The following MARK4 variants were observed in gnomAD, a reference collection of about 807,000 sequenced individuals.
The protein encoded by MARK4 is microtubule affinity regulating kinase 4.
A neutral mutation model predicts 81.5 loss-of-function variants in MARK4; 19 were observed. The ratio of observed to expected loss-of-function variants is 0.23; its 90% confidence interval spans 0.16 to 0.34. MARK4 has a LOEUF of 0.34. Among genes scored for constraint, MARK4 ranks in the 10% least tolerant of loss-of-function variants. The probability of loss-of-function intolerance (pLI) is 1.00; values close to 1 mark genes in which losing one functional copy is unlikely to be tolerated. For missense variants in MARK4, 772 were observed against 1,058.8 expected, an observed-to-expected ratio of 0.73 and a Z score of 3.76; for synonymous variants, 436 against 439.0, an observed-to-expected ratio of 0.99 and a Z score of 0.08.
intron 7 of MARK4, among the ~76,000 whole-genome samples, chr19:45,269,609 G>A (rs1266113083): frequency 2.0e-5 from 3 of 152,090 alleles, no homozygotes; most frequent in South Asian, 2.1e-4. Context: ...GGCCAGACGC[G>A]GGTGACATTT....
At chr19:45,292,479 C>T (rs1454151043) in intron 13 of MARK4, among the ~76,000 whole-genome samples, 1 of 152,146 alleles carries the variant, frequency 6.6e-6, no homozygotes, top group African/African-American at 2.4e-5. Flanking sequence ...TGAAGTACTT[C>T]ACATACTGGC....
chr19:45,302,964 A>G lies in MARK4; in HGVS notation c.*254A>G. The G allele has an allele frequency of 8.7e-6, 5 of 573,010 alleles. No individual in the cohort carries two copies. In the South Asian group the frequency reaches 1.1e-4, roughly 12 times the overall value. The allele number at this position is 573,010 out of a possible 1,614,324, so 35.5% of individuals were successfully genotyped here. On this transcript the variant is annotated 3_prime_UTR_variant, in exon 17 of 17. Coordinates refer to ENST00000262891, the MANE Select transcript of MARK4 (RefSeq NM_001199867.2). This position sits in a 1 kb window ranked among gnomAD's most constrained non-coding sequence, Gnocchi z 4.9. ...AGTCCTGTCCTCCCTCGCCCTACCA[A>G]GAGGGCACCTGAGGAGACTTTGGGG...
chr19:45,293,259 T>G (rs1970841842), intron 13 of MARK4, among the ~76,000 whole-genome samples: 1 of 152,008 alleles, frequency 6.6e-6, no homozygotes, highest in Non-Finnish European at 1.5e-5. Flanking sequence ...TGAGTGAAAC[T>G]CTGTCCAAAA....
intron 10 of MARK4, among the ~76,000 whole-genome samples, chr19:45,279,849 A>G (rs1970648823): frequency 6.6e-6 from 1 of 152,172 alleles, no homozygotes; most frequent in Admixed American, 6.5e-5. Context: ...ACATGCCTTC[A>G]ATGAAGCAGT....
intron 15 of MARK4, among the ~76,000 whole-genome samples, chr19:45,299,346 C>A (rs1402209437): frequency 5.3e-5 from 8 of 152,116 alleles, no homozygotes; most frequent in African/African-American, 1.9e-4. Context: ...ATTGCTTGAG[C>A]CTGGGAGGTT....
Position 45,302,674 on chromosome 19 carries a change from C to T in MARK4, c.2223C>T (p.Thr741=), listed in dbSNP as rs561693617. 6.5e-7 allele frequency: 1 copy of T among 1,537,096 alleles called. No individual in the cohort carries two copies. The highest frequency in any genetic ancestry group is 2.4e-5 in the East Asian group (1 of 40,908). Residue 741 remains threonine, a synonymous_variant, in exon 17 of 17, where the codon ACC becomes ACT. Coordinates refer to ENST00000262891, the MANE Select transcript of MARK4 (RefSeq NM_001199867.2). This position sits in a 1 kb window ranked among gnomAD's most constrained non-coding sequence, Gnocchi z 4.9. ...RVAGTALAFR[T]LVTRISNDLE... ...CGGGCACCGCCCTGGCCTTCCGCAC[C>T]CTCGTCACCCGCATCTCCAACGACC...
chr19:45,261,572 A>G (rs973623588), intron 2 of MARK4, among the ~76,000 whole-genome samples: 4 of 152,222 alleles, frequency 2.6e-5, no homozygotes, highest in Non-Finnish European at 4.4e-5. Flanking sequence ...GGTTCCCTAT[A>G]TGTGGATCTG....
intron 12 of MARK4, among the ~76,000 whole-genome samples, chr19:45,284,353 C>A (rs1316311218): frequency 6.7e-6 from 1 of 149,382 alleles, no homozygotes; most frequent in African/African-American, 2.5e-5. Flanking sequence ...GGCAAAGTCT[C>A]GCTCCGTTGC....
At chr19:45,280,551 G>A (rs372140358) in intron 11 of MARK4, 24 bp from the exon 12 acceptor site, 6 of 1,613,798 alleles carry the variant, frequency 3.7e-6, no homozygotes, top group African/African-American at 1.3e-5. Flanking sequence ...GTGCAGAAGA[G>A]CCTCATCTGT....
At chr19:45,301,452 G>A (rs1970970769) in intron 16 of MARK4, among the ~76,000 whole-genome samples, 1 of 150,974 alleles carries the variant, frequency 6.6e-6, no homozygotes, top group Non-Finnish European at 1.5e-5. Flanking sequence ...AGCTACTTGG[G>A]AAGCTGAGGC....
At chr19:45,281,375 T>TTTTTTTA (rs1360044177) in intron 12 of MARK4, among the ~76,000 whole-genome samples, 4 of 149,596 alleles carry the variant, frequency 2.7e-5, no homozygotes, top group Non-Finnish European at 5.9e-5. Context: ...TTCTTTTTTT[T>TTTTTTTA]TTTGAGACAG....
chr19:45,258,293 C>A (rs1417049768), intron 1 of MARK4, among the ~76,000 whole-genome samples: 1 of 152,168 alleles, frequency 6.6e-6, no homozygotes, highest in African/African-American at 2.4e-5. Context: ...CCACCTGGCC[C>A]ATAATTTTTA....
At chr19:45,259,476 C>T (rs1302490546) in intron 2 of MARK4, among the ~76,000 whole-genome samples, 6 of 152,164 alleles carry the variant, frequency 3.9e-5, no homozygotes, top group Non-Finnish European at 7.3e-5. Context: ...TAAACCTGAG[C>T]TGTGGCCGGA....
At position 45,271,181 on chromosome 19, in the gene MARK4, T is replaced by G. The variant is rs1392055416; in HGVS notation, c.550-291T>G. ...TTGGCCTCCCAAAGTGCTGGTATTA[T>G]AGGCGTGAGCCACTATGTCTGGCCT... On this transcript the variant is annotated intron_variant, in intron 7 of 16. Transcript: ENST00000262891. The surrounding 1 kb of genome is among the most constrained non-coding windows in gnomAD (Gnocchi z 4.1). Among the ~76,000 whole-genome samples the G allele has an allele frequency of 6.6e-6, 1 of 152,192 alleles. No individual in the cohort carries two copies. The highest frequency in any genetic ancestry group is 2.4e-5 in the African/African-American group (1 of 41,456).
rs201594646 is a variant in MARK4, at chr19:45,278,600, G to A, written c.991G>A (p.Asp331Asn). Residue 331 changes from aspartate to asparagine, a missense_variant, in exon 10 of 17, where the codon GAC (aspartate) becomes AAC (asparagine). Coordinates refer to ENST00000262891, the MANE Select transcript of MARK4 (RefSeq NM_001199867.2). ...PYTEPEEDFG[D>N]TKRIEVMVGM... Reference sequence around the variant, plus strand: ...CACAGAGCCCGAGGAGGACTTCGGGGACACCAAGAGAATTGGTGAGGGTCA... The same window carrying A: ...CACAGAGCCCGAGGAGGACTTCGGGAACACCAAGAGAATTGGTGAGGGTCA... The A allele has an allele frequency of 1.7e-5, 27 of 1,613,254 alleles. No homozygotes were observed. The highest frequency in any genetic ancestry group is 1.4e-5 in the Non-Finnish European group (16 of 1,179,470).
chr19:45,264,865 G>A lies in MARK4; in HGVS notation c.447G>A (p.Ser149=), dbSNP rs772689017. Residue 149 remains serine (S), a synonymous_variant, in exon 6 of 17, where the codon TCG becomes TCA. Transcript: ENST00000262891. ...SAGEVFDYLV[S]HGRMKEKEAR... Reference sequence around the variant, plus strand: ...GAGAAGTGTTTGACTACCTCGTGTCGCATGGCCGCATGAAGGAGAAGGAAG... The same window carrying A: ...GAGAAGTGTTTGACTACCTCGTGTCACATGGCCGCATGAAGGAGAAGGAAG... The A allele has an allele frequency of 1.6e-5, 26 of 1,613,984 alleles. No individual in the cohort carries two copies. Among genetic ancestry groups the A allele is most frequent in the African/African-American group, 5.3e-5 (4 of 74,936 alleles).
rs1971028253 is a variant in MARK4 at position 45,304,798 on chromosome 19, G to C, written c.*2088G>C. On this transcript the variant is annotated 3_prime_UTR_variant, in exon 17 of 17. Transcript: ENST00000262891. ...GAAGGAGCCAGCTAGACATGGATAG[G>C]AGTGCGTTTTAGGCACAGCAAATGG... The C allele has an allele frequency of 6.5e-6, 1 of 152,860 alleles. No individual in the cohort carries two copies. Among genetic ancestry groups the C allele is most frequent in the Non-Finnish European group, 1.5e-5 (1 of 68,592 alleles). The allele number at this position is 152,860 out of a possible 1,614,324, so 9.5% of individuals were successfully genotyped here.
chr19:45,283,305 A>T (rs1970700417), intron 12 of MARK4, among the ~76,000 whole-genome samples: 1 of 148,372 alleles, frequency 6.7e-6, no homozygotes, highest in Non-Finnish European at 1.5e-5. Flanking sequence ...GCTACTCAGG[A>T]GTCTGAGGCA....
rs966167593 is a variant in MARK4, at chr19:45,265,035, A to G, written c.492+125A>G. On this transcript the variant is annotated intron_variant, in intron 6 of 16. Coordinates refer to ENST00000262891, the MANE Select transcript of MARK4 (RefSeq NM_001199867.2). ...GGGGCTTAAGTCTGGGCAGGGGTGA[A>G]GGTGCAGAGCTGGGTGTGCTGGGCA... is the stretch of plus-strand genomic sequence containing the variant. 4 of 905,042 alleles carry G rather than the reference A, an allele frequency of 4.4e-6. No individual in the cohort carries two copies. The Admixed American group carries it at 6.2e-5, about 14-fold the overall frequency. 56.1% of individuals were successfully genotyped at this position (905,042 alleles called of 1,614,324 possible). A position where few individuals can be genotyped will look rare whatever the true frequency, so the allele number is the denominator to read the frequency against.
Sources: allele counts gnomAD v4.1 joint callset (sites outside exome capture counted in the v4.1 genomes callset), GRCh38; gene constraint gnomAD v4.1.1; non-coding constraint Gnocchi (gnomAD v3.1); transcripts MANE v1.5; gene names NCBI Gene and HGNC (gene_info 2026-07-23, HGNC 2026-07-21).